SMAP1: variants seen among roughly 807,000 people sequenced by gnomAD.
SMAP1 encodes small ArfGAP 1.
SMAP1 carries 24 observed loss-of-function variants against 58.5 expected under a neutral mutation model. The observed-to-expected ratio is 0.41, with a 90% CI of 0.30 to 0.58. SMAP1 has a LOEUF of 0.58. SMAP1 is among the 20% of genes least tolerant of loss of function. SMAP1 has a pLI of 0.29. For missense variants in SMAP1, 563 were observed against 566.3 expected (o/e 0.99, Z 0.06); for synonymous variants, 216 against 196.6 (o/e 1.10, Z -0.82).
chr6:70,832,539 T>G (rs1014457177), intron 6 of SMAP1, among the ~76,000 whole-genome samples: 48 of 152,334 alleles, frequency 3.2e-4, no homozygotes, highest in African/African-American at 1.0e-3. Flanking sequence ...TTATTCCATC[T>G]CAGTTTGTTT....
At chr6:70,857,429 A>G (rs879370358) in intron 9 of SMAP1, 16 of 167,492 alleles carry the variant, frequency 9.6e-5, no homozygotes, top group Non-Finnish European at 1.4e-4. Context: ...AATCATAACA[A>G]AATATTAGCA....
intron 4 of SMAP1, among the ~76,000 whole-genome samples, chr6:70,784,365 C>T (rs908847344): frequency 4.4e-4 from 67 of 152,096 alleles, no homozygotes; most frequent in African/African-American, 1.6e-3. Flanking sequence ...ATTGTAAAGA[C>T]CTTCAAGGCT....
At chr6:70,767,317 A>G (rs1307004275) in intron 3 of SMAP1, among the ~76,000 whole-genome samples, 1 of 151,974 alleles carries the variant, frequency 6.6e-6, no homozygotes, top group South Asian at 2.1e-4. Context: ...GATGGCATTG[A>G]ATCTATAAAT....
At chr6:70,691,976 T>G (rs966425269) in intron 1 of SMAP1, among the ~76,000 whole-genome samples, 1 of 152,204 alleles carries the variant, frequency 6.6e-6, no homozygotes, top group Non-Finnish European at 1.5e-5. Flanking sequence ...GGTATATAGC[T>G]AGCAGTGGGA....
intron 6 of SMAP1, among the ~76,000 whole-genome samples, chr6:70,821,065 C>A (rs1318254946): frequency 2.7e-5 from 4 of 149,238 alleles, no homozygotes; most frequent in Admixed American, 6.6e-5. Context: ...GTTAGGATTT[C>A]CCCCCCTCCC....
chr6:70,850,274 T>TA (rs1272929976), intron 7 of SMAP1, among the ~76,000 whole-genome samples: 2 of 152,150 alleles, frequency 1.3e-5, no homozygotes, highest in Non-Finnish European at 2.9e-5. Flanking sequence ...TGTGCTGTGG[T>TA]AAAAAGCAAT....
At chr6:70,719,505 C>G (rs891963739) in intron 1 of SMAP1, among the ~76,000 whole-genome samples, 1 of 152,144 alleles carries the variant, frequency 6.6e-6, no homozygotes, top group African/African-American at 2.4e-5. Flanking sequence ...TATATGTGTA[C>G]AAACACACCC....
intron 2 of SMAP1, among the ~76,000 whole-genome samples, chr6:70,746,208 T>C (rs1486349779): frequency 1.3e-5 from 2 of 152,180 alleles, no homozygotes; most frequent in Non-Finnish European, 2.9e-5. Context: ...TCCAACACTA[T>C]GTTGAATAGG....
chr6:70,690,883 T>C (rs979438908), intron 1 of SMAP1, among the ~76,000 whole-genome samples: 4 of 152,034 alleles, frequency 2.6e-5, no homozygotes, highest in African/African-American at 7.2e-5. Flanking sequence ...TGTTTTTTTT[T>C]CCCCTCAATT....
chr6:70,808,530 C>G (rs922655542), intron 6 of SMAP1, among the ~76,000 whole-genome samples: 4 of 152,174 alleles, frequency 2.6e-5, no homozygotes, highest in African/African-American at 9.7e-5. Context: ...GAGCCAGGCT[C>G]CAGCTCCTGA....
chr6:70,702,893 A>G (rs1368711864), intron 1 of SMAP1, among the ~76,000 whole-genome samples: 1 of 152,006 alleles, frequency 6.6e-6, no homozygotes, highest in Non-Finnish European at 1.5e-5. Flanking sequence ...TGGCCTTCCA[A>G]AGTGCTGGGA....
intron 1 of SMAP1, among the ~76,000 whole-genome samples, chr6:70,719,985 A>G (rs1311346087): frequency 3.3e-5 from 5 of 152,162 alleles, no homozygotes; most frequent in Admixed American, 3.3e-4. Context: ...AAGACTAATC[A>G]TGCCTTCCCA....
chr6:70,711,104 TAGA>T (rs1480092476), intron 1 of SMAP1, among the ~76,000 whole-genome samples: 1 of 152,150 alleles, frequency 6.6e-6, no homozygotes, highest in East Asian at 1.9e-4. Flanking sequence ...TTTTAATAAG[TAGA>T]AGGAGTACAT....
At chr6:70,735,865 C>CA (rs1438321465) in intron 2 of SMAP1, among the ~76,000 whole-genome samples, 1 of 152,170 alleles carries the variant, frequency 6.6e-6, no homozygotes, top group African/African-American at 2.4e-5. Flanking sequence ...TTCCCTGCAA[C>CA]ATTTCATAAT....
At chr6:70,839,468 C>T (rs888388182) in intron 7 of SMAP1, among the ~76,000 whole-genome samples, 2 of 152,164 alleles carry the variant, frequency 1.3e-5, no homozygotes, top group African/African-American at 2.4e-5. Context: ...ATTTCTGTCA[C>T]TCATGGGCCT....
chr6:70,789,639 A>T lies in SMAP1; in HGVS notation c.415-2050A>T, dbSNP rs115452467. ...AAATGTGATGTGCATCTGTTATCCC[A>T]GCTATCCGGGACGCTGAGAGGCAGG... On this transcript the variant is annotated intron_variant, in intron 4 of 10. Coordinates refer to ENST00000370455, the MANE Select transcript of SMAP1 (RefSeq NM_001044305.3). Among the ~76,000 whole-genome samples, 760 of 133,768 alleles carry T rather than the reference A, an allele frequency of 5.7e-3. 5 individuals are homozygous for T. Among genetic ancestry groups the T allele is most frequent in the African/African-American group, 0.021 (724 of 35,212 alleles). 87.8% of individuals were successfully genotyped at this position (133,768 alleles called of 152,430 possible).
chr6:70,680,039 A>G (rs1040655552), intron 1 of SMAP1, among the ~76,000 whole-genome samples: 3 of 152,160 alleles, frequency 2.0e-5, no homozygotes, highest in Non-Finnish European at 4.4e-5. Flanking sequence ...ATAGACTCAC[A>G]TATTATGGTC....
chr6:70,720,670 T>C (rs1242782233), intron 1 of SMAP1, among the ~76,000 whole-genome samples: 1 of 152,256 alleles, frequency 6.6e-6, no homozygotes, highest in African/African-American at 2.4e-5. Flanking sequence ...ACCTCAGTTC[T>C]TGACATCTGT....
chr6:70,852,546 C>T lies in SMAP1; in HGVS notation c.671C>T (p.Pro224Leu). The change falls in exon 8 of 11, where the codon CCT becomes CTT. Residue 224 changes from proline (P) to leucine (L), a missense_variant. Around this residue, in one of 3 missense-constraint regions of SMAP1, gnomAD observed 494 missense variants for 473.8 expected, o/e 1.04. Transcript: ENST00000370455. ...PTVDLLGLDG[P>L]AVAPVTNGNT... The stretch of plus-strand genomic sequence containing the variant: ...GAATCTATATTCTTTTCAGATGGCC[C>T]TGCTGTGGCACCAGTGACCAACGGG... 1 of 1,589,626 alleles carries T rather than the reference C, an allele frequency of 6.3e-7. No individual in the cohort carries two copies. The highest frequency in any genetic ancestry group is 8.6e-7 in the Non-Finnish European group (1 of 1,168,874).
Sources: gnomAD v4.1 joint callset for allele counts (sites outside exome capture counted in the v4.1 genomes callset) on GRCh38, gnomAD v4.1.1 for gene constraint, gnomAD v4.1.1 regional missense constraint, MANE v1.5 for transcripts, NCBI Gene and HGNC (gene_info 2026-07-23, HGNC 2026-07-21) for gene names.